Variants in PRKN observed in about 807,000 individuals in gnomAD.
The protein encoded by PRKN is E3 ubiquitin-protein ligase parkin.
PRKN carries 56 observed loss-of-function variants against 59.5 expected under a neutral mutation model. That is an observed-to-expected ratio of 0.94 (90% CI 0.76 to 1.18). The LOEUF (loss-of-function observed/expected upper bound fraction) is 1.18, where lower values mean the gene tolerates loss of function less well. Among genes scored for constraint, PRKN ranks in the 50% most tolerant of loss-of-function variants. The pLI is 0.00. For synonymous variants in PRKN, 250 were observed against 222.1 expected (o/e 1.13, Z -1.12); for missense variants, 657 against 596.4 (o/e 1.10, Z -1.06).
Position 161,862,606 on chromosome 6 carries a change from G to A in PRKN, c.735-76698C>T, listed in dbSNP as rs113334033. Among the ~76,000 whole-genome samples, 138 of 151,742 alleles carry A rather than the reference G, an allele frequency of 9.1e-4. 3 individuals are homozygous for A. The highest frequency in any genetic ancestry group is 5.3e-4 in the Admixed American group (8 of 15,238). ...CTGTGACCCCAGCCTGGAGTAACGG[G>A]GTAAAAAAAAAAGATTCCTTTTGGT... On this transcript the variant is annotated intron_variant, in intron 6 of 11. Coordinates refer to ENST00000366898, the MANE Select transcript of PRKN (RefSeq NM_004562.3).
chr6:162,380,819 A>C (rs1354961090), intron 2 of PRKN, among the ~76,000 whole-genome samples: 1 of 152,068 alleles, frequency 6.6e-6, no homozygotes, highest in East Asian at 1.9e-4. Context: ...TTGGAAATGA[A>C]GACATTCAGC....
At chr6:162,062,043 A>T (rs1008455436) in intron 4 of PRKN, among the ~76,000 whole-genome samples, 1 of 152,212 alleles carries the variant, frequency 6.6e-6, no homozygotes, top group South Asian at 2.1e-4. Flanking sequence ...GTAACATATG[A>T]CTCAGTTATT....
rs1358231754 is a variant in PRKN at position 161,356,848 on chromosome 6, G to A, written c.1285+3240C>T. 6.6e-6 allele frequency among the ~76,000 whole-genome samples: 1 copy of A among 152,100 alleles called. No homozygotes were observed. The highest frequency in any genetic ancestry group is 1.5e-5 in the Non-Finnish European group (1 of 68,026). On this transcript the variant is annotated intron_variant, in intron 11 of 11. Transcript: ENST00000366898. This position sits in a 1 kb window ranked among gnomAD's most constrained non-coding sequence, Gnocchi z 7.8. Reference sequence around the variant, plus strand: ...CAGCTGGCTATTGGAGTCGGACCGAGGGGCGAGATGAGGGTGGGGTGTAGA... The same window carrying A: ...CAGCTGGCTATTGGAGTCGGACCGAAGGGCGAGATGAGGGTGGGGTGTAGA...
chr6:162,655,445 G>T (rs536697117), intron 1 of PRKN, among the ~76,000 whole-genome samples: 1 of 152,048 alleles, frequency 6.6e-6, no homozygotes, highest in Non-Finnish European at 1.5e-5. Context: ...TTTTTTAAGC[G>T]TATATACAAA....
intron 1 of PRKN, among the ~76,000 whole-genome samples, chr6:162,509,973 G>A (rs781137104): frequency 5.9e-5 from 9 of 152,164 alleles, no homozygotes; most frequent in South Asian, 2.1e-4. Context: ...TTTTATGCCC[G>A]AGAGCTCACT....
chr6:161,489,576 A>G (rs1284400477), intron 9 of PRKN, among the ~76,000 whole-genome samples: 1 of 152,142 alleles, frequency 6.6e-6, no homozygotes, highest in Non-Finnish European at 1.5e-5. Context: ...AACAACAACA[A>G]ACCCAAAACA....
At chr6:162,382,585 T>C (rs2128141242) in intron 2 of PRKN, among the ~76,000 whole-genome samples, 1 of 152,350 alleles carries the variant, frequency 6.6e-6, no homozygotes, top group South Asian at 2.1e-4. Flanking sequence ...AACTGTAATC[T>C]TTTTGCTCAT....
chr6:162,036,442 G>A (rs143148699), intron 5 of PRKN, among the ~76,000 whole-genome samples: 7,150 of 151,862 alleles, frequency 0.047, 226 homozygotes, highest in Non-Finnish European at 0.067. Flanking sequence ...TGCAACGGCA[G>A]GATCTCGGCT....
intron 4 of PRKN, among the ~76,000 whole-genome samples, chr6:162,129,471 G>A (rs1049053654): frequency 6.6e-6 from 1 of 152,092 alleles, no homozygotes; most frequent in African/African-American, 2.4e-5. Context: ...AACATGCATG[G>A]AATAAGTGCT....
chr6:161,516,377 G>C (rs1042654672), intron 9 of PRKN, among the ~76,000 whole-genome samples: 1 of 144,636 alleles, frequency 6.9e-6, no homozygotes, highest in Non-Finnish European at 1.5e-5. Context: ...TAAGGTAGGA[G>C]AATTGATTGA....
chr6:161,996,644 T>C (rs1371095771), intron 5 of PRKN, among the ~76,000 whole-genome samples: 1 of 152,146 alleles, frequency 6.6e-6, no homozygotes, highest in Non-Finnish European at 1.5e-5. Flanking sequence ...CTATTTGTTA[T>C]AAATTTAATA....
intron 7 of PRKN, among the ~76,000 whole-genome samples, chr6:161,631,819 C>A (rs1156358404): frequency 6.6e-6 from 1 of 151,666 alleles, no homozygotes; most frequent in Non-Finnish European, 1.5e-5. Context: ...TTCCTCAGGG[C>A]TTTTTATTCA....
At chr6:162,563,431 G>A (rs977606434) in intron 1 of PRKN, among the ~76,000 whole-genome samples, 2 of 152,212 alleles carry the variant, frequency 1.3e-5, no homozygotes, top group Non-Finnish European at 2.9e-5. Flanking sequence ...GCACCTCTAT[G>A]AGTCTGCAAG....
intron 6 of PRKN, among the ~76,000 whole-genome samples, chr6:161,889,662 T>C (rs1795273557): frequency 6.6e-6 from 1 of 152,202 alleles, no homozygotes; most frequent in Admixed American, 6.5e-5. Context: ...CAGTAATTTC[T>C]ACAGGTGTTA....
intron 3 of PRKN, among the ~76,000 whole-genome samples, chr6:162,242,291 C>T (rs1352108820): frequency 1.3e-5 from 2 of 152,046 alleles, no homozygotes; most frequent in Non-Finnish European, 2.9e-5. Context: ...TTGTCCCCAC[C>T]AGGAAAATGC....
chr6:162,383,872 C>T (rs1159521051), intron 2 of PRKN, among the ~76,000 whole-genome samples: 1 of 152,200 alleles, frequency 6.6e-6, no homozygotes, highest in Admixed American at 6.5e-5. Context: ...GCTGCTTCAC[C>T]TTACATGTCT....
intron 6 of PRKN, among the ~76,000 whole-genome samples, chr6:161,882,995 ACT>A (rs1325748476): frequency 1.3e-5 from 2 of 150,030 alleles, no homozygotes; most frequent in African/African-American, 5.0e-5. Flanking sequence ...ACAAAGTGAG[ACT>A]CTGACTCAAA....
intron 5 of PRKN, among the ~76,000 whole-genome samples, chr6:161,996,838 G>GTT (rs148176858): frequency 2.0e-5 from 3 of 151,996 alleles, no homozygotes; most frequent in African/African-American, 7.2e-5. Flanking sequence ...GGGGAAAAAC[G>GTT]TTTTATTTTT....
intron 2 of PRKN, among the ~76,000 whole-genome samples, chr6:162,430,058 A>G (rs1363330976): frequency 1.3e-5 from 2 of 152,074 alleles, no homozygotes; most frequent in Non-Finnish European, 2.9e-5. Context: ...TCATCACTTA[A>G]TTCCCAGCTT....
Sources: allele counts gnomAD v4.1 joint callset (sites outside exome capture counted in the v4.1 genomes callset), GRCh38; gene constraint gnomAD v4.1.1; non-coding constraint Gnocchi (gnomAD v3.1); transcripts MANE v1.5; gene names NCBI Gene and HGNC (gene_info 2026-07-23, HGNC 2026-07-21).